Variants in RAP2A observed in about 807,000 individuals in gnomAD.
RAP2A encodes ras-related protein Rap-2a.
RAP2A carries 5 observed loss-of-function variants against 15.1 expected under a neutral mutation model. The observed-to-expected ratio is 0.33, with a 90% confidence interval of 0.17 to 0.70. RAP2A has a LOEUF of 0.70. Ranked by LOEUF, RAP2A falls within the 30% of genes least tolerant of loss-of-function variation. The probability of loss-of-function intolerance (pLI) is 0.68; values close to 1 mark genes in which losing one functional copy is unlikely to be tolerated. For synonymous variants in RAP2A, 110 were observed against 99.7 expected, an observed-to-expected ratio of 1.10 and a Z score of -0.62; for missense variants, 111 against 240.3, an observed-to-expected ratio of 0.46 and a Z score of 3.56.
chr13:97,440,966 G>A (rs1427755234), intron 1 of RAP2A, among the ~76,000 whole-genome samples: 3 of 152,182 alleles, frequency 2.0e-5, no homozygotes, highest in Non-Finnish European at 4.4e-5. Context: ...ACTTCATACA[G>A]TGAATCACTT....
intron 1 of RAP2A, among the ~76,000 whole-genome samples, chr13:97,448,159 T>C (rs1245617043): frequency 6.6e-6 from 1 of 152,172 alleles, no homozygotes; most frequent in Non-Finnish European, 1.5e-5. Flanking sequence ...TATCCTGTTT[T>C]TCTCAAATCT....
intron 1 of RAP2A, among the ~76,000 whole-genome samples, chr13:97,455,884 C>G (rs2066720723): frequency 6.6e-6 from 1 of 151,350 alleles, no homozygotes; most frequent in African/African-American, 2.4e-5. Flanking sequence ...CATGGTGTTT[C>G]AGAGTTTTAG....
intron 1 of RAP2A, among the ~76,000 whole-genome samples, chr13:97,458,972 A>C (rs1315544590): frequency 6.6e-6 from 1 of 152,180 alleles, no homozygotes; most frequent in Non-Finnish European, 1.5e-5. Flanking sequence ...ATTTATAATC[A>C]GGTTCATGAA....
intron 1 of RAP2A, among the ~76,000 whole-genome samples, chr13:97,462,101 A>G (rs2066750596): frequency 6.8e-6 from 1 of 146,780 alleles, no homozygotes; most frequent in African/African-American, 2.5e-5. Context: ...AACATTCTTT[A>G]AAATATTTAT....
rs1417964328 is a variant in RAP2A at position 97,434,444 on chromosome 13, G to A, written c.-27G>A. ...GGCGTAGGTCTATGTCGCGGGCGGC[G>A]GCGGCGGCGGCGGCCGCGGAGGGAC... On this transcript the variant is annotated 5_prime_UTR_variant, in exon 1 of 2. Transcript: ENST00000245304. 6.4e-7 allele frequency: 1 copy of A among 1,558,270 alleles called. No homozygotes were observed. Among genetic ancestry groups the A allele is most frequent in the Non-Finnish European group, 8.7e-7 (1 of 1,151,976 alleles).
chr13:97,438,535 T>C (rs1046544194), intron 1 of RAP2A, among the ~76,000 whole-genome samples: 4 of 152,172 alleles, frequency 2.6e-5, no homozygotes, highest in African/African-American at 4.8e-5. Context: ...CCTTGAACAG[T>C]AGGATATAAA....
intron 1 of RAP2A, among the ~76,000 whole-genome samples, chr13:97,448,502 C>T (rs980252205): frequency 1.3e-5 from 2 of 152,124 alleles, no homozygotes; most frequent in Non-Finnish European, 2.9e-5. Context: ...TCATCATCAT[C>T]TTCCTTAACA....
intron 1 of RAP2A, among the ~76,000 whole-genome samples, chr13:97,456,865 C>T (rs1377281952): frequency 6.6e-6 from 1 of 152,046 alleles, no homozygotes; most frequent in African/African-American, 2.4e-5. Context: ...AATATTTAGT[C>T]GCTTCAAAAC....
chr13:97,438,064 T>C (rs571412988), intron 1 of RAP2A, among the ~76,000 whole-genome samples: 137 of 152,344 alleles, frequency 9.0e-4, no homozygotes, highest in Non-Finnish European at 1.7e-3. Flanking sequence ...TTAACTTGAT[T>C]TTGGGTGAGA....
At chr13:97,435,804 T>C (rs1383481552) in intron 1 of RAP2A, 1 of 152,236 alleles carries the variant, frequency 6.6e-6, no homozygotes, top group Non-Finnish European at 1.5e-5. Flanking sequence ...TCTTGTTAGT[T>C]AATGCCTGCT....
chr13:97,441,284 T>C (rs1016669085), intron 1 of RAP2A, among the ~76,000 whole-genome samples: 7 of 152,142 alleles, frequency 4.6e-5, no homozygotes, highest in Non-Finnish European at 8.8e-5. Context: ...AAGGAATAAT[T>C]ATACTAATAC....
intron 1 of RAP2A, among the ~76,000 whole-genome samples, chr13:97,443,911 A>C (rs760407029): frequency 3.3e-5 from 5 of 152,212 alleles, no homozygotes; most frequent in Non-Finnish European, 5.9e-5. Flanking sequence ...TATGAGTATG[A>C]TGTAGTAACT....
chr13:97,434,569 C>G lies in RAP2A; in HGVS notation c.99C>G (p.Asp33Glu). 6.2e-7 allele frequency: 1 copy of G among 1,614,120 alleles called. No homozygotes were observed. The highest frequency in any genetic ancestry group is 8.5e-7 in the Non-Finnish European group (1 of 1,180,000). ...FVTGTFIEKY[D>E]PTIEDFYRKE... ...CCGGCACCTTCATCGAGAAATACGA[C>G]CCCACCATCGAGGACTTCTACCGCA... The change falls in exon 1 of 2, where the codon GAC becomes GAG. Residue 33 changes from aspartate (D) to glutamate (E), a missense_variant. By Grantham distance (45) the Asp-to-Glu change is conservative. This residue lies in a region of RAP2A where 17 missense variants were observed against 79.7 expected (regional missense o/e 0.21). Transcript: ENST00000245304.
At chr13:97,451,240 T>G (rs1457894172) in intron 1 of RAP2A, among the ~76,000 whole-genome samples, 1 of 152,178 alleles carries the variant, frequency 6.6e-6, no homozygotes, top group African/African-American at 2.4e-5. Flanking sequence ...TGATTTTTTT[T>G]GTTTTTTTTT....
chr13:97,457,273 T>A (rs766710445), intron 1 of RAP2A, among the ~76,000 whole-genome samples: 1 of 151,780 alleles, frequency 6.6e-6, no homozygotes, highest in African/African-American at 2.4e-5. Context: ...TATATATATA[T>A]AATGCATACC....
chr13:97,456,587 T>C (rs537141477), intron 1 of RAP2A, among the ~76,000 whole-genome samples: 1 of 152,264 alleles, frequency 6.6e-6, no homozygotes, highest in East Asian at 1.9e-4. Context: ...GGTCCAATGA[T>C]TGTGATAATC....
Position 97,464,502 on chromosome 13 carries a change from G to A in RAP2A, c.*60G>A, listed in dbSNP as rs1195039028. 4.0e-5 allele frequency: 59 copies of A among 1,484,140 alleles called. No individual in the cohort carries two copies. Among genetic ancestry groups the A allele is most frequent in the Non-Finnish European group, 5.1e-5 (54 of 1,066,120 alleles). 91.9% of individuals were successfully genotyped at this position (1,484,140 alleles called of 1,614,324 possible). Reference sequence around the variant, plus strand: ...CAATGTCGTAGGTGATAGAAAACTCGCCTACTCCACTGCAGAACTTGCAGA... The same window carrying A: ...CAATGTCGTAGGTGATAGAAAACTCACCTACTCCACTGCAGAACTTGCAGA... On this transcript the variant is annotated 3_prime_UTR_variant, in exon 2 of 2. Coordinates refer to ENST00000245304, the MANE Select transcript of RAP2A (RefSeq NM_021033.7).
intron 1 of RAP2A, chr13:97,441,748 T>A (rs1166193194): frequency 2.2e-6 from 1 of 449,042 alleles, no homozygotes; most frequent in Admixed American, 2.4e-5. Context: ...ACTGTTTTTT[T>A]ACACACTTAT....
chr13:97,462,186 T>A lies in RAP2A; in HGVS notation c.315-2019T>A, dbSNP rs909981149. ...AGACAGACTGAAATTTGTTTTAACTTAAATTCAACCAATGTTTTACTTAAT... is the reference window on the plus strand; with the variant it reads ...AGACAGACTGAAATTTGTTTTAACTAAAATTCAACCAATGTTTTACTTAAT... On this transcript the variant is annotated intron_variant, in intron 1 of 1. Coordinates refer to ENST00000245304, the MANE Select transcript of RAP2A (RefSeq NM_021033.7). Among the ~76,000 whole-genome samples, 10 of 151,506 alleles carry A rather than the reference T, an allele frequency of 6.6e-5. No individual in the cohort carries two copies. The East Asian group carries it at 1.7e-3, about 26-fold the overall frequency.
Sources: gnomAD v4.1 joint callset for allele counts (sites outside exome capture counted in the v4.1 genomes callset) on GRCh38, gnomAD v4.1.1 for gene constraint, gnomAD v4.1.1 regional missense constraint, MANE v1.5 for transcripts, NCBI Gene and HGNC (gene_info 2026-07-23, HGNC 2026-07-21) for gene names.